Variants in PTPRD observed in about 807,000 individuals in gnomAD.
PTPRD encodes receptor-type tyrosine-protein phosphatase delta.
Under a neutral mutation model 214.5 loss-of-function variants are expected in PTPRD, and 34 were observed. The observed-to-expected ratio is 0.16, with a 90% confidence interval of 0.12 to 0.21. The LOEUF (loss-of-function observed/expected upper bound fraction) is 0.21. Ranked by LOEUF, PTPRD falls within the 10% of genes least tolerant of loss-of-function variation. The pLI, the probability that PTPRD is intolerant of heterozygous loss-of-function variation, is 1.00. For missense variants in PTPRD, 2,545 were observed against 2,398.7 expected, an observed-to-expected ratio of 1.06 and a Z score of -1.27; for synonymous variants, 1,128 against 845.7, an observed-to-expected ratio of 1.33 and a Z score of -5.79.
intron 2 of PTPRD, among the ~76,000 whole-genome samples, chr9:10,444,780 G>C (rs995302456): frequency 2.6e-5 from 4 of 151,742 alleles, no homozygotes; most frequent in African/African-American, 9.7e-5. Flanking sequence ...TGATTTTGGA[G>C]ACATAATGTT....
intron 9 of PTPRD, among the ~76,000 whole-genome samples, chr9:9,326,603 A>G (rs1394304850): frequency 6.6e-6 from 1 of 152,062 alleles, no homozygotes; most frequent in East Asian, 1.9e-4. Flanking sequence ...ATTACCATAA[A>G]ACAATGTTTA....
chr9:8,802,167 A>G (rs893316812), intron 11 of PTPRD, among the ~76,000 whole-genome samples: 1 of 152,328 alleles, frequency 6.6e-6, no homozygotes, highest in South Asian at 2.1e-4. Flanking sequence ...TCACAGATTA[A>G]TAAACTCTAA....
chr9:10,588,144 G>C (rs945607018), intron 2 of PTPRD, among the ~76,000 whole-genome samples: 12 of 152,030 alleles, frequency 7.9e-5, no homozygotes, highest in African/African-American at 2.4e-4. Flanking sequence ...ATAATAACTT[G>C]TCAGACTCTA....
At chr9:9,427,119 T>A (rs976518371) in intron 8 of PTPRD, among the ~76,000 whole-genome samples, 5 of 152,158 alleles carry the variant, frequency 3.3e-5, no homozygotes, top group Non-Finnish European at 5.9e-5. Context: ...TTCTCCGAGC[T>A]AAAGGAGGAT....
intron 11 of PTPRD, among the ~76,000 whole-genome samples, chr9:8,764,358 T>C (rs191214139): frequency 5.3e-5 from 8 of 152,324 alleles, no homozygotes; most frequent in Admixed American, 3.3e-4. Flanking sequence ...AAACACATTA[T>C]TGTTTGGTTT....
At chr9:9,184,074 T>C (rs747574307) in intron 9 of PTPRD, among the ~76,000 whole-genome samples, 57 of 152,068 alleles carry the variant, frequency 3.7e-4, no homozygotes, top group Non-Finnish European at 7.2e-4. Context: ...TTTTCTCAAC[T>C]CTTTTTAACA....
intron 9 of PTPRD, among the ~76,000 whole-genome samples, chr9:9,238,131 G>C (rs2099968147): frequency 6.6e-6 from 1 of 152,050 alleles, no homozygotes. Context: ...AAAACCTCTT[G>C]AGGAATCCAG....
At chr9:9,791,509 T>C (rs899951381) in intron 5 of PTPRD, among the ~76,000 whole-genome samples, 7 of 152,266 alleles carry the variant, frequency 4.6e-5, no homozygotes, top group African/African-American at 1.4e-4. Flanking sequence ...GTCTCTTTCT[T>C]ATAATGGGTT....
At chr9:10,354,387 C>A (rs1332237053) in intron 2 of PTPRD, among the ~76,000 whole-genome samples, 1 of 152,130 alleles carries the variant, frequency 6.6e-6, no homozygotes, top group Non-Finnish European at 1.5e-5. Context: ...TGTTAAAAGG[C>A]TAAGAGAATC....
intron 4 of PTPRD, among the ~76,000 whole-genome samples, chr9:9,940,424 T>G (rs2091118973): frequency 6.6e-6 from 1 of 151,754 alleles, no homozygotes; most frequent in Non-Finnish European, 1.5e-5. Flanking sequence ...AAAGAAAGAG[T>G]GAGTCTAAAG....
intron 3 of PTPRD, among the ~76,000 whole-genome samples, chr9:10,084,015 A>C (rs1446001423): frequency 6.6e-6 from 1 of 152,004 alleles, no homozygotes; most frequent in African/African-American, 2.4e-5. Context: ...ATGTGACTTT[A>C]GATAGATCAT....
intron 3 of PTPRD, among the ~76,000 whole-genome samples, chr9:10,190,411 A>AAAAAAAAAAC (rs1564421953): frequency 2.2e-5 from 2 of 90,034 alleles, no homozygotes; most frequent in Non-Finnish European, 4.2e-5. Flanking sequence ...AAAAAAAAAA[A>AAAAAAAAAAC]AAAAAAAAAC....
At chr9:10,268,926 G>C (rs1207081404) in intron 3 of PTPRD, among the ~76,000 whole-genome samples, 1 of 152,210 alleles carries the variant, frequency 6.6e-6, no homozygotes, top group Non-Finnish European at 1.5e-5. Context: ...CCTGTGCGTT[G>C]TAGAATGCCT....
chr9:10,121,850 T>G (rs937438491), intron 3 of PTPRD, among the ~76,000 whole-genome samples: 1 of 152,078 alleles, frequency 6.6e-6, no homozygotes, highest in East Asian at 1.9e-4. Context: ...GGGTGAAGTG[T>G]GACATTCTCT....
intron 3 of PTPRD, among the ~76,000 whole-genome samples, chr9:10,263,673 G>A (rs1181895047): frequency 2.0e-5 from 3 of 152,156 alleles, no homozygotes; most frequent in Admixed American, 2.0e-4. Flanking sequence ...GCCTGACAAT[G>A]CAATAGACAA....
chr9:9,390,815 T>A (rs1556521), intron 9 of PTPRD, among the ~76,000 whole-genome samples: 2 of 152,056 alleles, frequency 1.3e-5, no homozygotes, highest in Non-Finnish European at 2.9e-5. Flanking sequence ...ACATTAGTAA[T>A]CTGTGTTTGT....
chr9:8,943,231 C>A (rs1244694331), intron 11 of PTPRD, among the ~76,000 whole-genome samples: 1 of 152,008 alleles, frequency 6.6e-6, no homozygotes, highest in Non-Finnish European at 1.5e-5. Context: ...GATTCAATCT[C>A]TATCAAAATA....
intron 10 of PTPRD, among the ~76,000 whole-genome samples, chr9:9,060,265 G>C (rs2099704636): frequency 6.6e-6 from 1 of 152,108 alleles, no homozygotes; most frequent in Non-Finnish European, 1.5e-5. Flanking sequence ...ATAGAGAGTT[G>C]ATTTATGACA....
intron 4 of PTPRD, among the ~76,000 whole-genome samples, chr9:9,972,972 G>A (rs965100403): frequency 4.6e-5 from 7 of 152,012 alleles, no homozygotes; most frequent in African/African-American, 1.5e-4. Flanking sequence ...CTTAAATTAA[G>A]GCATAGACAT....
Sources: gnomAD v4.1 joint callset for allele counts (sites outside exome capture counted in the v4.1 genomes callset) on GRCh38, gnomAD v4.1.1 for gene constraint, MANE v1.5 for transcripts, NCBI Gene and HGNC (gene_info 2026-07-23, HGNC 2026-07-21) for gene names.